PBX1: variants seen among roughly 807,000 people sequenced by gnomAD.
The protein encoded by PBX1 is pre-B-cell leukemia transcription factor 1.
In PBX1, 6 loss-of-function variants were observed where a neutral mutation model predicts 53.4. The observed-to-expected ratio is 0.11, with a 90% confidence interval of 0.06 to 0.22. The LOEUF (loss-of-function observed/expected upper bound fraction) is 0.22. Ranked by LOEUF, PBX1 falls within the 10% of genes least tolerant of loss-of-function variation. The pLI is 1.00. For missense variants in PBX1, 251 were observed against 551.4 expected, an observed-to-expected ratio of 0.46 and a Z score of 5.46; for synonymous variants, 204 against 212.3, an observed-to-expected ratio of 0.96 and a Z score of 0.34.
intron 2 of PBX1, among the ~76,000 whole-genome samples, chr1:164,721,393 G>A (rs756265165): frequency 4.6e-5 from 7 of 151,710 alleles, no homozygotes; most frequent in African/African-American, 1.5e-4. Context: ...TCCAAATCTC[G>A]GTGACACTCC....
At chr1:164,782,085 C>T (rs1353426163) in intron 2 of PBX1, among the ~76,000 whole-genome samples, 1 of 152,078 alleles carries the variant, frequency 6.6e-6, no homozygotes, top group Non-Finnish European at 1.5e-5. Context: ...TTATTTTTTC[C>T]CTTCTTTCTT....
At chr1:164,628,745 T>C (rs934036871) in intron 2 of PBX1, among the ~76,000 whole-genome samples, 2 of 152,180 alleles carry the variant, frequency 1.3e-5, no homozygotes, top group Non-Finnish European at 2.9e-5. Context: ...TATCTAGATA[T>C]ATATGATATG....
chr1:164,783,979 A>G (rs1571399792), intron 2 of PBX1, among the ~76,000 whole-genome samples: 1 of 152,196 alleles, frequency 6.6e-6, no homozygotes, highest in East Asian at 1.9e-4. Flanking sequence ...TTGTAGAGAG[A>G]AGCTTTCATC....
At chr1:164,600,312 C>T (rs1406098740) in intron 2 of PBX1, among the ~76,000 whole-genome samples, 1 of 136,024 alleles carries the variant, frequency 7.4e-6, no homozygotes. Context: ...AGTGCAGTGG[C>T]GTGATCTCGG....
chr1:164,783,988 T>G (rs1416095684), intron 2 of PBX1, among the ~76,000 whole-genome samples: 4 of 152,222 alleles, frequency 2.6e-5, no homozygotes, highest in African/African-American at 9.6e-5. Flanking sequence ...GAAGCTTTCA[T>G]CTCCACGGAA....
chr1:164,735,381 A>G (rs1255575178), intron 2 of PBX1, among the ~76,000 whole-genome samples: 1 of 152,198 alleles, frequency 6.6e-6, no homozygotes, highest in African/African-American at 2.4e-5. Context: ...CTGTGCCTAC[A>G]TGTATGTGCT....
At chr1:164,611,727 G>A (rs973059064) in intron 2 of PBX1, among the ~76,000 whole-genome samples, 2 of 151,942 alleles carry the variant, frequency 1.3e-5, no homozygotes, top group African/African-American at 2.4e-5. Context: ...CTACTCTGCT[G>A]GAAGAGTAGA....
In PBX1 at chr1:164,679,845, C is replaced by A. The variant is rs1194703448; in HGVS notation, c.266-112649C>A. ...AGGTACTTAGGACAAACATTGATCA[C>A]CCCTCATTTTAAAGATGGAAAACCT... On this transcript the variant is annotated intron_variant, in intron 2 of 8. Coordinates refer to ENST00000420696, the MANE Select transcript of PBX1 (RefSeq NM_002585.4). Among the ~76,000 whole-genome samples the A allele has an allele frequency of 3.3e-5, 5 of 152,238 alleles. No homozygotes were observed. In the East Asian group the frequency reaches 9.7e-4, roughly 29 times the overall value.
At chr1:164,670,069 A>G (rs1326069197) in intron 2 of PBX1, among the ~76,000 whole-genome samples, 2 of 150,444 alleles carry the variant, frequency 1.3e-5, no homozygotes, top group South Asian at 2.1e-4. Context: ...AGAGTGTGAG[A>G]GTACTAAGCC....
At position 164,774,388 on chromosome 1, in the gene PBX1, A is replaced by G. The variant is rs887247538; in HGVS notation, c.266-18106A>G. On this transcript the variant is annotated intron_variant, in intron 2 of 8. Transcript: ENST00000420696. ...AGGAAACCCCCATCTGGTTGGTTTT[A>G]GCATCTTCAAGGTGAGGATACAATT... 2.0e-5 allele frequency: 3 copies of G among 152,172 alleles called. No individual in the cohort carries two copies. The East Asian group carries it at 5.8e-4, about 29-fold the overall frequency. 9.4% of individuals were successfully genotyped at this position (152,172 alleles called of 1,614,324 possible). A position where few individuals can be genotyped will look rare whatever the true frequency, so the allele number is the denominator to read the frequency against.
chr1:164,795,682 AG>A lies in PBX1; in HGVS notation c.510+2947del, dbSNP rs550361959. 1.0e-3 allele frequency among the ~76,000 whole-genome samples: 159 copies of A among 152,340 alleles called. 1 individual carries two copies. Among genetic ancestry groups the A allele is most frequent in the Non-Finnish European group, 1.8e-3 (123 of 68,032 alleles). The stretch of plus-strand genomic sequence containing the variant: ...TTAATTATAGTAAATAGCAGATTGT[AG>A]GGAAATTATGCTATTAACCTTCTAG... On this transcript the variant is annotated intron_variant, in intron 3 of 8. Coordinates refer to ENST00000420696, the MANE Select transcript of PBX1 (RefSeq NM_002585.4).
intron 2 of PBX1, among the ~76,000 whole-genome samples, chr1:164,872,166 G>A (rs1275666911): frequency 6.6e-6 from 1 of 152,158 alleles, no homozygotes; most frequent in East Asian, 1.9e-4. Flanking sequence ...TACAGATTGA[G>A]CCCTGCTTTA....
chr1:164,829,675 C>CTT (rs1670653816), intron 8 of PBX1: 1 of 151,898 alleles, frequency 6.6e-6, no homozygotes, highest in Non-Finnish European at 1.5e-5. Flanking sequence ...AAATGCTGGG[C>CTT]TTAATACCTA....
At position 164,799,681 on chromosome 1, in the gene PBX1, A is replaced by G. The variant is rs1668972896; in HGVS notation, c.511-18A>G. On this transcript the variant is annotated intron_variant, in intron 3 of 8. Coordinates refer to ENST00000420696, the MANE Select transcript of PBX1 (RefSeq NM_002585.4). Reference sequence around the variant, plus strand: ...GCTTGGACCCTCAATGACGGTGTTGATTGTCCTGCCATTCCAGGCCTGCAA... The same window carrying G: ...GCTTGGACCCTCAATGACGGTGTTGGTTGTCCTGCCATTCCAGGCCTGCAA... 1.9e-6 allele frequency: 3 copies of G among 1,602,884 alleles called. No homozygotes were observed. The East Asian group carries it at 6.7e-5, about 36-fold the overall frequency.
At chr1:164,818,489 CTCT>C (rs1220818806) in intron 6 of PBX1, 4 of 152,194 alleles carry the variant, frequency 2.6e-5, no homozygotes, top group Non-Finnish European at 5.9e-5. Context: ...TTGAGTCCTC[CTCT>C]AACCCCCAAA....
chr1:164,706,288 C>T (rs1663423566), intron 2 of PBX1, among the ~76,000 whole-genome samples: 1 of 152,086 alleles, frequency 6.6e-6, no homozygotes, highest in Non-Finnish European at 1.5e-5. Context: ...TCCTTTTAGA[C>T]CATGCCTTAA....
chr1:164,600,408 T>G (rs1656086539), intron 2 of PBX1, among the ~76,000 whole-genome samples: 1 of 151,926 alleles, frequency 6.6e-6, no homozygotes, highest in African/African-American at 2.4e-5. Context: ...CCCGCCACCA[T>G]CGGCTGATTT....
intron 2 of PBX1, among the ~76,000 whole-genome samples, chr1:164,734,761 A>G (rs1665177561): frequency 6.6e-6 from 1 of 152,212 alleles, no homozygotes; most frequent in Non-Finnish European, 1.5e-5. Context: ...CCTGGACAGC[A>G]TGCAAGGGGG....
At chr1:164,885,787 CT>C (rs1268094726) in intron 2 of PBX1, among the ~76,000 whole-genome samples, 1 of 152,122 alleles carries the variant, frequency 6.6e-6, no homozygotes, top group Non-Finnish European at 1.5e-5. Flanking sequence ...CTCAACTTAC[CT>C]TTTTGTGAGA....
Sources: gnomAD v4.1 joint callset for allele counts (sites outside exome capture counted in the v4.1 genomes callset) on GRCh38, gnomAD v4.1.1 for gene constraint, MANE v1.5 for transcripts, NCBI Gene and HGNC (gene_info 2026-07-23, HGNC 2026-07-21) for gene names.